The following SAMD9L variants were observed in gnomAD, a reference collection of about 807,000 sequenced individuals.
SAMD9L encodes sterile alpha motif domain-containing protein 9-like.
A neutral mutation model predicts 90.7 loss-of-function variants in SAMD9L; 68 were observed. The observed-to-expected ratio is 0.75, with a 90% confidence interval of 0.62 to 0.92. The LOEUF (loss-of-function observed/expected upper bound fraction) is 0.92. Ranked by LOEUF, SAMD9L falls within the 40% of genes least tolerant of loss-of-function variation. SAMD9L has a pLI of 0.00. For synonymous variants in SAMD9L, 640 were observed against 630.1 expected (o/e 1.02, Z -0.23); for missense variants, 1,604 against 1,824.3 (o/e 0.88, Z 2.20).
At chr7:93,138,784 T>C (rs889187483) in intron 4 of SAMD9L, among the ~76,000 whole-genome samples, 5 of 145,436 alleles carry the variant, frequency 3.4e-5, no homozygotes, top group Non-Finnish European at 6.0e-5. Flanking sequence ...CAGATGGAGC[T>C]TGGGAGCCCG....
rs149822295 is a variant in SAMD9L, at chr7:93,133,473, C to T, written c.2499G>A (p.Leu833=). The change falls in exon 5 of 5, where the codon TTG becomes TTA. Residue 833 remains leucine, a synonymous_variant. Transcript: ENST00000318238. ...ATCTCATGCAGTTTAAGATAATTACCAATGTTTTTTCATATCGCAAATCCT... is the reference window on the plus strand; with the variant it reads ...ATCTCATGCAGTTTAAGATAATTACTAATGTTTTTTCATATCGCAAATCCT... The part of the protein sequence containing the change: ...AEKDLRYEKT[L]VIILNCMRSR... 6.4e-5 allele frequency: 103 copies of T among 1,612,102 alleles called. No individual in the cohort carries two copies. Among genetic ancestry groups the T allele is most frequent in the Non-Finnish European group, 2.1e-5 (25 of 1,178,916 alleles).
chr7:93,139,166 A>C (rs1351464545), intron 4 of SAMD9L, among the ~76,000 whole-genome samples: 3 of 152,200 alleles, frequency 2.0e-5, no homozygotes, highest in African/African-American at 7.2e-5. Flanking sequence ...TTTCTGTCAT[A>C]ATTATTGGTG....
In SAMD9L at chr7:93,131,547, A is replaced by G. The variant is rs968445739; in HGVS notation, c.4425T>C (p.Leu1475=). 6.8e-6 allele frequency: 11 copies of G among 1,613,848 alleles called. No homozygotes were observed. The highest frequency in any genetic ancestry group is 9.3e-6 in the Non-Finnish European group (11 of 1,179,904). ...RMCRSKQAST[L]FYLGKRKGLN... Reference sequence around the variant, plus strand: ...GACCCTTCCTTTTGCCCAGATAGAAAAGTGTGCTTGCCTGCTTGGACCTGC... The same window carrying G: ...GACCCTTCCTTTTGCCCAGATAGAAGAGTGTGCTTGCCTGCTTGGACCTGC... Residue 1475 remains leucine, a synonymous_variant, in exon 5 of 5, where the codon CTT becomes CTC. Coordinates refer to ENST00000318238, the MANE Select transcript of SAMD9L (RefSeq NM_152703.5).
chr7:93,132,483 GA>G lies in SAMD9L; in HGVS notation c.3488del (p.Phe1163SerfsTer39). On this transcript the variant is annotated frameshift_variant, in exon 5 of 5. Coordinates refer to ENST00000318238, the MANE Select transcript of SAMD9L (RefSeq NM_152703.5). LOFTEE classifies it high-confidence loss of function. ...TATCAGTTTGCCTTTGGGATTCTTTGAAAGCTCTTGAGGCTTTTTCCGCAGC... is the reference window on the plus strand; with the variant it reads ...TATCAGTTTGCCTTTGGGATTCTTTGAAGCTCTTGAGGCTTTTTCCGCAGC... ...LEAAEKASRA[F>X]KESQRQTDSK... 1 of 1,613,722 alleles carries G rather than the reference GA, an allele frequency of 6.2e-7. No homozygotes were observed. Among genetic ancestry groups the G allele is most frequent in the Admixed American group, 1.7e-5 (1 of 59,974 alleles).
At position 93,130,467 on chromosome 7, in the gene SAMD9L, CA is replaced by C. The variant is rs1326723113; in HGVS notation, c.*749del. The C allele has an allele frequency of 1.3e-5, 2 of 152,074 alleles. No individual in the cohort carries two copies. Among genetic ancestry groups the C allele is most frequent in the African/African-American group, 2.4e-5 (1 of 41,374 alleles). The allele number at this position is 152,074 out of a possible 1,614,324, so 9.4% of individuals were successfully genotyped here. On this transcript the variant is annotated 3_prime_UTR_variant, in exon 5 of 5. Transcript: ENST00000318238. ...AGGGTAATGAATGGAAAAAATAAGC[CA>C]GGGGAGATGGGATCTAAGAAACAGG...
chr7:93,145,991 G>T lies in SAMD9L; in HGVS notation c.-729C>A, dbSNP rs1792876378. The T allele has an allele frequency of 6.6e-6, 1 of 152,064 alleles. No individual in the cohort carries two copies. The highest frequency in any genetic ancestry group is 2.4e-5 in the African/African-American group (1 of 41,380). The allele number at this position is 152,064 out of a possible 1,614,324, so 9.4% of individuals were successfully genotyped here. A position where few individuals can be genotyped will look rare whatever the true frequency, so the allele number is the denominator to read the frequency against. ...TAGCTTCCTTGCCAGGTTCCCTCTT[G>T]CTGTTATTGATCTCTTCAGGGACTT... is the stretch of plus-strand genomic sequence containing the variant. On this transcript the variant is annotated 5_prime_UTR_variant, in exon 3 of 5. Coordinates refer to ENST00000318238, the MANE Select transcript of SAMD9L (RefSeq NM_152703.5).
chr7:93,134,824 T>C lies in SAMD9L; in HGVS notation c.1148A>G (p.Glu383Gly). Residue 383 changes from glutamate to glycine, a missense_variant, in exon 5 of 5, where the codon GAG becomes GGG. Transcript: ENST00000318238. ...CTTCTTCATTGCCTTCATTCCATAC[T>C]CTTCTTCAGCCTCTTTTCTAGATGC... ...LVASRKEAEE[E>G]YGMKAMKKES... The C allele has an allele frequency of 6.2e-7, 1 of 1,613,900 alleles. No individual in the cohort carries two copies. Among genetic ancestry groups the C allele is most frequent in the East Asian group, 2.2e-5 (1 of 44,870 alleles).
intron 4 of SAMD9L, among the ~76,000 whole-genome samples, chr7:93,137,136 G>C (rs1314304750): frequency 2.0e-5 from 3 of 152,090 alleles, no homozygotes; most frequent in African/African-American, 7.2e-5. Context: ...ACTATAAAAA[G>C]ATAAAATACA....
intron 4 of SAMD9L, among the ~76,000 whole-genome samples, chr7:93,143,672 A>C (rs1316727760): frequency 6.6e-6 from 1 of 152,214 alleles, no homozygotes; most frequent in Non-Finnish European, 1.5e-5. Flanking sequence ...AATATTTCTC[A>C]GCCAGAATTC....
At position 93,135,114 on chromosome 7, in the gene SAMD9L, C is replaced by T. The variant is rs143690723; in HGVS notation, c.858G>A (p.Glu286=). ...GCAGAAGGACTTCCACAAACCTTGG[C>T]TCCCGAATACACTTCTTGGCTTCAT... The part of the protein sequence containing the change: ...EINEAKKCIR[E]PRFVEVLLQN... Residue 286 remains glutamate, a synonymous_variant, in exon 5 of 5, where the codon GAG becomes GAA. Coordinates refer to ENST00000318238, the MANE Select transcript of SAMD9L (RefSeq NM_152703.5). The T allele has an allele frequency of 9.9e-6, 16 of 1,612,420 alleles. No homozygotes were observed. In the African/African-American group the frequency reaches 2.1e-4, roughly 22 times the overall value.
In SAMD9L at chr7:93,131,943, G is replaced by A. The variant is rs1231143586; in HGVS notation, c.4029C>T (p.Leu1343=). The change falls in exon 5 of 5, where the codon CTC becomes CTT. Residue 1343 remains leucine, a synonymous_variant. Transcript: ENST00000318238. ...EALRADRFAG[L]LEYLNPNYKD... is the part of the protein sequence containing the mutation. The stretch of plus-strand genomic sequence containing the variant: ...TGTAGTTTGGATTAAGATATTCCAA[G>A]AGTCCAGCAAACCTATCTGCTCTCA... 3 of 1,612,948 alleles carry A rather than the reference G, an allele frequency of 1.9e-6. No homozygotes were observed. In the African/African-American group the frequency reaches 4.0e-5, roughly 22 times the overall value.
Position 93,132,354 on chromosome 7 carries a change from G to C in SAMD9L, c.3618C>G (p.Tyr1206Ter). The change falls in exon 5 of 5, where the codon TAC (tyrosine) becomes TAG (stop). Residue 1206 changes from tyrosine to a stop codon, truncating the protein, a stop_gained. Coordinates refer to ENST00000318238, the MANE Select transcript of SAMD9L (RefSeq NM_152703.5). LOFTEE classifies it high-confidence loss of function. ...GAGTGAGCTGAAGAATCTGGATAGTGTAAAGACCAACTTCTATTTCACCCA... is the reference window on the plus strand; with the variant it reads ...GAGTGAGCTGAAGAATCTGGATAGTCTAAAGACCAACTTCTATTTCACCCA... ...CFLGEIEVGL[Y>*]TIQILQLTPF... The C allele has an allele frequency of 6.2e-7, 1 of 1,613,884 alleles. No homozygotes were observed. Among genetic ancestry groups the C allele is most frequent in the Non-Finnish European group, 8.5e-7 (1 of 1,179,860 alleles).
intron 1 of SAMD9L, among the ~76,000 whole-genome samples, chr7:93,147,915 T>C (rs1792954694): frequency 6.6e-6 from 1 of 152,190 alleles, no homozygotes; most frequent in African/African-American, 2.4e-5. Flanking sequence ...TTCTCTATCC[T>C]CTTTTCCAAA....
At position 93,133,078 on chromosome 7, in the gene SAMD9L, C is replaced by T; in HGVS notation, c.2894G>A (p.Gly965Glu). The change falls in exon 5 of 5, where the codon GGA (glycine) becomes GAA (glutamate). Residue 965 changes from glycine to glutamate, a missense_variant. Around this residue, in one of 7 missense-constraint regions of SAMD9L, gnomAD observed 606 missense variants for 717.6 expected, o/e 0.84. Coordinates refer to ENST00000318238, the MANE Select transcript of SAMD9L (RefSeq NM_152703.5). Reference protein sequence around the residue: ...WEPESLEDKMGTYSTLLIKTE... With the variant: ...WEPESLEDKMETYSTLLIKTE... ...TTTTATTAGAAGTGTAGAATAAGTT[C>T]CCATCTTGTCTTCTAAGCTTTCAGG... 1 of 1,613,138 alleles carries T rather than the reference C, an allele frequency of 6.2e-7. No individual in the cohort carries two copies. Among genetic ancestry groups the T allele is most frequent in the Non-Finnish European group, 8.5e-7 (1 of 1,179,354 alleles).
intron 3 of SAMD9L, 108 bp from the exon 4 acceptor site, chr7:93,144,941 A>T (rs1792834710): frequency 6.6e-6 from 1 of 152,264 alleles, no homozygotes. Flanking sequence ...AAAGTCTTAC[A>T]TAAAATGATG....
intron 4 of SAMD9L, among the ~76,000 whole-genome samples, chr7:93,141,961 C>T (rs1792707293): frequency 1.3e-5 from 2 of 152,156 alleles, no homozygotes; most frequent in South Asian, 4.1e-4. Context: ...TACTTCTGCT[C>T]ACTTCCCTCC....
At position 93,145,931 on chromosome 7, in the gene SAMD9L, C is replaced by T. The variant is rs1792874240; in HGVS notation, c.-669G>A. On this transcript the variant is annotated 5_prime_UTR_variant, in exon 3 of 5. It introduces an in-frame stop codon into an upstream open reading frame of the 5' UTR. Coordinates refer to ENST00000318238, the MANE Select transcript of SAMD9L (RefSeq NM_152703.5). Reference sequence around the variant, plus strand: ...TACCTGACACCACTACCACCTGGTCCAAGCCTTCCTCATCTCTTTCCTGGA... The same window carrying T: ...TACCTGACACCACTACCACCTGGTCTAAGCCTTCCTCATCTCTTTCCTGGA... 1 of 152,188 alleles carries T rather than the reference C, an allele frequency of 6.6e-6. No individual in the cohort carries two copies. 9.4% of individuals were successfully genotyped at this position (152,188 alleles called of 1,614,324 possible). A position where few individuals can be genotyped will look rare whatever the true frequency, so the allele number is the denominator to read the frequency against.
intron 4 of SAMD9L, among the ~76,000 whole-genome samples, chr7:93,137,742 T>G (rs1462417002): frequency 2.0e-5 from 3 of 150,424 alleles, no homozygotes; most frequent in African/African-American, 4.9e-5. Context: ...AAGTTTTTTT[T>G]TTTTTTTTTT....
intron 4 of SAMD9L, among the ~76,000 whole-genome samples, chr7:93,139,127 G>C (rs1194233931): frequency 6.6e-6 from 1 of 152,038 alleles, no homozygotes; most frequent in Admixed American, 6.6e-5. Flanking sequence ...AAGCTGAAGG[G>C]AAGAGGACAC....
Sources: allele counts gnomAD v4.1 joint callset (sites outside exome capture counted in the v4.1 genomes callset), GRCh38; gene constraint gnomAD v4.1.1; regional missense constraint gnomAD v4.1.1; transcripts MANE v1.5; gene names NCBI Gene and HGNC (gene_info 2026-07-23, HGNC 2026-07-21).